The following VWA8 variants were observed in gnomAD, a reference collection of about 807,000 sequenced individuals.
The protein encoded by VWA8 is von Willebrand factor A domain containing 8.
Under a neutral mutation model 241.5 loss-of-function variants are expected in VWA8, and 221 were observed. The observed-to-expected ratio is 0.91, with a 90% CI of 0.82 to 1.02. The LOEUF is 1.02. Ranked by LOEUF, VWA8 falls within the 50% of genes least tolerant of loss-of-function variation. The pLI is 0.00. For synonymous variants in VWA8, 852 were observed against 827.1 expected (o/e 1.03, Z -0.52); for missense variants, 2,322 against 2,328.7 (o/e 1.00, Z 0.06).
chr13:41,633,415 C>T (rs144541711), intron 37 of VWA8, among the ~76,000 whole-genome samples: 126 of 152,250 alleles, frequency 8.3e-4, no homozygotes, highest in Middle Eastern at 6.8e-3. Flanking sequence ...ATTGCCACTG[C>T]GGCTGTGTCA....
intron 3 of VWA8, among the ~76,000 whole-genome samples, chr13:41,909,681 A>G (rs1257423064): frequency 2.0e-5 from 3 of 152,218 alleles, no homozygotes; most frequent in Non-Finnish European, 2.9e-5. Flanking sequence ...GAACTGCTAC[A>G]TGATCATTAT....
intron 37 of VWA8, among the ~76,000 whole-genome samples, chr13:41,668,234 A>G (rs2044999550): frequency 6.6e-6 from 1 of 152,126 alleles, no homozygotes; most frequent in African/African-American, 2.4e-5. Flanking sequence ...CTGCTGACCT[A>G]AAGGCGCCTA....
chr13:41,809,305 T>TC (rs1403318408), intron 17 of VWA8, among the ~76,000 whole-genome samples: 1 of 152,076 alleles, frequency 6.6e-6, no homozygotes, highest in Non-Finnish European at 1.5e-5. Context: ...GCCAAAGCCA[T>TC]CTTGAGCAAA....
intron 5 of VWA8, 84 bp downstream of exon 5, chr13:41,891,336 C>T (rs1247829205): frequency 6.5e-7 from 1 of 1,531,384 alleles, no homozygotes; most frequent in Non-Finnish European, 8.9e-7. Context: ...GTCCTGATTC[C>T]AACAGAGCCA....
At chr13:41,620,937 C>A (rs1439497996) in intron 37 of VWA8, among the ~76,000 whole-genome samples, 1 of 152,150 alleles carries the variant, frequency 6.6e-6, no homozygotes, top group African/African-American at 2.4e-5. Context: ...TACCATTACA[C>A]CCAGCTTTGA....
chr13:41,805,955 G>C (rs1181377142), intron 17 of VWA8, among the ~76,000 whole-genome samples: 1 of 148,856 alleles, frequency 6.7e-6, no homozygotes, highest in African/African-American at 2.5e-5. Flanking sequence ...TTCTCAAGGA[G>C]AGACCATATA....
rs1876888287 is a variant in VWA8, at chr13:41,927,217, A to T, written c.242-15049T>A. On this transcript the variant is annotated intron_variant, in intron 2 of 44. Transcript: ENST00000379310. ...ATACGTACAGGCATGGGCATTGACC[A>T]AGTCACCATTTTTCTCAAAAGATTC... is the stretch of plus-strand genomic sequence containing the variant. 1.1e-5 allele frequency: 5 copies of T among 473,218 alleles called. No homozygotes were observed. In the Admixed American group the frequency reaches 1.1e-4, roughly 10 times the overall value. The allele number at this position is 473,218 out of a possible 1,614,324, so 29.3% of individuals were successfully genotyped here. A position where few individuals can be genotyped will look rare whatever the true frequency, so the allele number is the denominator to read the frequency against.
At chr13:41,756,028 T>C (rs1308223465) in intron 21 of VWA8, among the ~76,000 whole-genome samples, 1 of 151,788 alleles carries the variant, frequency 6.6e-6, no homozygotes, top group South Asian at 2.1e-4. Flanking sequence ...GTTTCAACAA[T>C]GCCAAAAGTT....
chr13:41,892,445 TGGCACTG>T (rs1874892147), intron 4 of VWA8, among the ~76,000 whole-genome samples: 1 of 152,212 alleles, frequency 6.6e-6, no homozygotes, highest in African/African-American at 2.4e-5. Flanking sequence ...TTAGTCTCCA[TGGCACTG>T]CATTGTCCTA....
chr13:41,857,431 T>A (rs1314045945), intron 12 of VWA8, among the ~76,000 whole-genome samples: 3 of 152,200 alleles, frequency 2.0e-5, no homozygotes, highest in African/African-American at 7.2e-5. Flanking sequence ...TGAAGTAACT[T>A]ACTAAGATAA....
intron 21 of VWA8, among the ~76,000 whole-genome samples, chr13:41,759,150 A>C (rs1358949806): frequency 2.0e-5 from 3 of 151,628 alleles, no homozygotes; most frequent in African/African-American, 7.2e-5. Context: ...TGCTGATAAA[A>C]AAACTCAGTT....
At chr13:41,733,541 ATTG>A (rs914871454) in intron 21 of VWA8, among the ~76,000 whole-genome samples, 2 of 152,116 alleles carry the variant, frequency 1.3e-5, no homozygotes, top group Admixed American at 6.6e-5. Flanking sequence ...TGTTGTCACT[ATTG>A]TTGTTGCTGT....
Position 41,819,282 on chromosome 13 carries a change from A to ATGGTTAATAATTC in VWA8, c.1804_1805insGAATTATTAACCA (p.Met602ArgfsTer18). 1 of 1,613,348 alleles carries ATGGTTAATAATTC rather than the reference A, an allele frequency of 6.2e-7. No homozygotes were observed. The highest frequency in any genetic ancestry group is 1.1e-5 in the South Asian group (1 of 90,734). On this transcript the variant is annotated frameshift_variant, in exon 15 of 45. Coordinates refer to ENST00000379310, the MANE Select transcript of VWA8 (RefSeq NM_015058.2). LOFTEE classifies it high-confidence loss of function. The stretch of plus-strand genomic sequence containing the variant: ...TGGTTTCATGTAATGGAAAAAGAAC[A>ATGGTTAATAATTC]TGGTTAAGAATTCTGGTCCCAGCCA...
chr13:41,599,244 A>G (rs910512925), intron 40 of VWA8, among the ~76,000 whole-genome samples: 1 of 151,962 alleles, frequency 6.6e-6, no homozygotes, highest in African/African-American at 2.4e-5. Context: ...TGTTCTTTCT[A>G]CTTTTCATGT....
Position 41,887,257 on chromosome 13 carries a change from T to C in VWA8, c.756A>G (p.Pro252=). 6.2e-7 allele frequency: 1 copy of C among 1,613,864 alleles called. No homozygotes were observed. ...GLPVPRYSGN[P]LDPPLRSRFQ... The stretch of plus-strand genomic sequence containing the variant: ...ATCGAGAACGAAGAGGGGGGTCTAA[T>C]GGATTCCCAGAATACCTTGGCACTG... Residue 252 remains proline, a synonymous_variant, in exon 6 of 45, where the codon CCA becomes CCG. Coordinates refer to ENST00000379310, the MANE Select transcript of VWA8 (RefSeq NM_015058.2).
intron 37 of VWA8, among the ~76,000 whole-genome samples, chr13:41,623,706 G>A (rs1215005834): frequency 6.6e-6 from 1 of 152,164 alleles, no homozygotes; most frequent in African/African-American, 2.4e-5. Context: ...TGTGTGTGGT[G>A]CATCTAGTAC....
rs1446346533 is a variant in VWA8, at chr13:41,611,347, TG to T, written c.4877+228del. Among the ~76,000 whole-genome samples, 6 of 152,322 alleles carry T rather than the reference TG, an allele frequency of 3.9e-5. No individual in the cohort carries two copies. In the South Asian group the frequency reaches 1.2e-3, roughly 32 times the overall value. On this transcript the variant is annotated intron_variant, in intron 39 of 44. Transcript: ENST00000379310. ...TTGCCTAGGAACAGATAGACATGGA[TG>T]GGGCGATTTGAGCTTTAGATTTTAA...
intron 43 of VWA8, among the ~76,000 whole-genome samples, chr13:41,573,561 CGTATATATATGTATATATAT>C (rs2044328773): frequency 7.2e-6 from 1 of 139,716 alleles, no homozygotes; most frequent in Admixed American, 7.1e-5. Context: ...AATATATACA[CGTATATATATGTATATATAT>C]AAAATATATA....
intron 5 of VWA8, among the ~76,000 whole-genome samples, chr13:41,890,418 G>C (rs1210596722): frequency 6.6e-6 from 1 of 152,242 alleles, no homozygotes; most frequent in Admixed American, 6.5e-5. Flanking sequence ...TAGCCACAGA[G>C]AGATCCAGCA....
Sources: allele counts gnomAD v4.1 joint callset (sites outside exome capture counted in the v4.1 genomes callset), GRCh38; gene constraint gnomAD v4.1.1; transcripts MANE v1.5; gene names NCBI Gene and HGNC (gene_info 2026-07-23, HGNC 2026-07-21).